Variants in HADH observed in about 807,000 individuals in gnomAD.
HADH encodes hydroxyacyl-CoA dehydrogenase, also known as hydroxyacyl-coenzyme A dehydrogenase, mitochondrial.
HADH carries 24 observed loss-of-function variants against 32.2 expected under a neutral mutation model. That is an observed-to-expected ratio of 0.75 (90% CI 0.54 to 1.05). The LOEUF (loss-of-function observed/expected upper bound fraction) is 1.05, where lower values mean the gene tolerates loss of function less well. Among genes scored for constraint, HADH ranks in the 50% least tolerant of loss-of-function variants. HADH has a pLI of 0.00. For missense variants in HADH, 350 were observed against 397.1 expected (o/e 0.88, Z 1.01); for synonymous variants, 139 against 152.5 (o/e 0.91, Z 0.65).
At chr4:108,001,705 A>G (rs1421190859) in intron 1 of HADH, among the ~76,000 whole-genome samples, 3 of 152,262 alleles carry the variant, frequency 2.0e-5, no homozygotes, top group Non-Finnish European at 4.4e-5. Context: ...ATTGGGTAGT[A>G]TACAGTGTGG....
At chr4:108,032,468 C>T (rs1736305844) in intron 6 of HADH, 2 of 711,126 alleles carry the variant, frequency 2.8e-6, no homozygotes, top group Admixed American at 3.6e-5. Flanking sequence ...AGAATACATA[C>T]AATAACTATA....
intron 3 of HADH, among the ~76,000 whole-genome samples, chr4:108,015,216 C>T (rs1412166285): frequency 6.6e-6 from 1 of 152,116 alleles, no homozygotes; most frequent in Non-Finnish European, 1.5e-5. Flanking sequence ...TACTGTTTTC[C>T]TTAAAGGTTG....
chr4:108,032,115 AC>A, intron 6 of HADH: 1 of 349,368 alleles, frequency 2.9e-6, no homozygotes, highest in Non-Finnish European at 5.0e-6. Flanking sequence ...GAGTGTCTTA[AC>A]ATTTTTCCCT....
In HADH at chr4:108,034,934, T is replaced by C. The variant is rs1736411457; in HGVS notation, c.*577T>C. On this transcript the variant is annotated 3_prime_UTR_variant, in exon 8 of 8. Transcript: ENST00000309522. ...GCTGCTGAATGGGTCAGCATATCTC[T>C]GTTTGCATGGTTTGCAGGAGGTCGG... 5.8e-6 allele frequency: 1 copy of C among 173,542 alleles called. No homozygotes were observed. The highest frequency in any genetic ancestry group is 1.4e-4 in the East Asian group (1 of 7,266). 10.8% of individuals were successfully genotyped at this position (173,542 alleles called of 1,614,324 possible). A position where few individuals can be genotyped will look rare whatever the true frequency, so the allele number is the denominator to read the frequency against.
chr4:108,029,905 A>C (rs1736201558), intron 6 of HADH: 2 of 151,650 alleles, frequency 1.3e-5, no homozygotes, highest in African/African-American at 2.4e-5. Flanking sequence ...AGTCACTGTC[A>C]CTCCTGTGAG....
chr4:108,014,668 A>G, intron 3 of HADH, 80 bp downstream of exon 3: 2 of 1,304,942 alleles, frequency 1.5e-6, no homozygotes, highest in South Asian at 2.5e-5. Context: ...TTGTTTTTAT[A>G]GATTTGTGAG....
intron 2 of HADH, among the ~76,000 whole-genome samples, chr4:108,012,996 G>T (rs1437929028): frequency 6.6e-6 from 1 of 152,174 alleles, no homozygotes; most frequent in Non-Finnish European, 1.5e-5. Flanking sequence ...GCAGTTGCGC[G>T]ATGTCGGCTC....
At position 108,033,243 on chromosome 4, in the gene HADH, T is replaced by A; in HGVS notation, c.777T>A (p.Phe259Leu). ...GAGCCGGTTACCCCATGGGCCCATT[T>A]GAGCTTCTAGATTATGTCGGACTGG... Reference protein sequence around the residue: ...KLGAGYPMGPFELLDYVGLDT... With the variant: ...KLGAGYPMGPLELLDYVGLDT... The change falls in exon 7 of 8, where the codon TTT (phenylalanine) becomes TTA (leucine). Residue 259 changes from phenylalanine to leucine, a missense_variant. Phe to Leu is a conservative substitution (Grantham distance 22). Coordinates refer to ENST00000309522, the MANE Select transcript of HADH (RefSeq NM_005327.7). 2 of 1,608,306 alleles carry A rather than the reference T, an allele frequency of 1.2e-6. No homozygotes were observed. Among genetic ancestry groups the A allele is most frequent in the Non-Finnish European group, 1.7e-6 (2 of 1,174,626 alleles).
At chr4:107,991,727 T>G (rs1403426695) in intron 1 of HADH, among the ~76,000 whole-genome samples, 1 of 152,218 alleles carries the variant, frequency 6.6e-6, no homozygotes, top group East Asian at 1.9e-4. Context: ...TACGTTTGTA[T>G]TCCCAGGCTC....
At chr4:108,023,802 A>C in intron 5 of HADH, 2 of 508,738 alleles carry the variant, frequency 3.9e-6, no homozygotes, top group East Asian at 3.6e-5. Context: ...AATGGAGCTC[A>C]GGACACCAGC....
chr4:107,991,211 G>A (rs1290079081), intron 1 of HADH, among the ~76,000 whole-genome samples: 4 of 150,934 alleles, frequency 2.7e-5, no homozygotes, highest in South Asian at 2.1e-4. Context: ...CATGGTTTTC[G>A]TATCCTAGCT....
intron 3 of HADH, among the ~76,000 whole-genome samples, chr4:108,018,456 C>T (rs1442516431): frequency 1.3e-5 from 2 of 152,102 alleles, no homozygotes; most frequent in Admixed American, 6.5e-5. Context: ...GAAACCCTGG[C>T]ATTTAAATGG....
intron 1 of HADH, among the ~76,000 whole-genome samples, chr4:107,991,051 T>A (rs1202027830): frequency 6.6e-6 from 1 of 152,210 alleles, no homozygotes; most frequent in African/African-American, 2.4e-5. Context: ...GGAACAAGTC[T>A]TTTATCCATT....
At chr4:108,032,038 TTAC>T in intron 6 of HADH, 1 of 300,294 alleles carries the variant, frequency 3.3e-6, no homozygotes, top group Non-Finnish European at 6.1e-6. Flanking sequence ...TCCTTTGGAA[TTAC>T]TTTAGTAATT....
chr4:108,001,234 A>G (rs1315014996), intron 1 of HADH, among the ~76,000 whole-genome samples: 3 of 152,224 alleles, frequency 2.0e-5, no homozygotes, highest in African/African-American at 4.8e-5. Context: ...CCAGTAATGA[A>G]GGCCAAGGAG....
At chr4:108,007,773 A>T (rs1735338571) in intron 1 of HADH, among the ~76,000 whole-genome samples, 1 of 152,230 alleles carries the variant, frequency 6.6e-6, no homozygotes, top group Non-Finnish European at 1.5e-5. Flanking sequence ...TATCTTATTA[A>T]GCATCTAATA....
At chr4:108,002,985 T>G (rs934490607) in intron 1 of HADH, among the ~76,000 whole-genome samples, 2 of 152,088 alleles carry the variant, frequency 1.3e-5, no homozygotes, top group African/African-American at 4.8e-5. Flanking sequence ...CTCACAACAG[T>G]TTTATGAGGT....
At position 108,018,779 on chromosome 4, in the gene HADH, G is replaced by A. The variant is rs116159568; in HGVS notation, c.420-761G>A. On this transcript the variant is annotated intron_variant, in intron 3 of 7. Coordinates refer to ENST00000309522, the MANE Select transcript of HADH (RefSeq NM_005327.7). Reference sequence around the variant, plus strand: ...TGTATGTTTTTATCCGCAAGGTGGCGCTGCAGGAAAGCCTGGAAGTCAACC... The same window carrying A: ...TGTATGTTTTTATCCGCAAGGTGGCACTGCAGGAAAGCCTGGAAGTCAACC... Among the ~76,000 whole-genome samples the A allele has an allele frequency of 3.1e-3, 478 of 152,208 alleles. 3 individuals are homozygous for A. The highest frequency in any genetic ancestry group is 0.011 in the African/African-American group (454 of 41,528).
intron 4 of HADH, among the ~76,000 whole-genome samples, chr4:108,022,850 C>T (rs1052717801): frequency 2.6e-5 from 4 of 152,160 alleles, no homozygotes; most frequent in East Asian, 1.9e-4. Context: ...GAAACATACT[C>T]AGGGTCACAC....
Sources: allele counts gnomAD v4.1 joint callset (sites outside exome capture counted in the v4.1 genomes callset), GRCh38; gene constraint gnomAD v4.1.1; transcripts MANE v1.5; gene names NCBI Gene and HGNC (gene_info 2026-07-23, HGNC 2026-07-21).